TPRX1: variants seen among roughly 807,000 people sequenced by gnomAD.
TPRX1 encodes tetrapeptide repeat homeobox 1, also known as tetra-peptide repeat homeobox protein 1.
A neutral mutation model predicts 8.1 loss-of-function variants in TPRX1; 2 were observed. That is an observed-to-expected ratio of 0.25 (90% confidence interval 0.10 to 0.78). The LOEUF (loss-of-function observed/expected upper bound fraction) is 0.78, where lower values mean the gene tolerates loss of function less well. TPRX1 is among the 30% of genes least tolerant of loss of function. TPRX1 has a pLI of 0.70. For synonymous variants in TPRX1, 257 were observed against 254.1 expected, an observed-to-expected ratio of 1.01 and a Z score of -0.11; for missense variants, 517 against 586.9, an observed-to-expected ratio of 0.88 and a Z score of 1.23.
At chr19:47,813,196 G>A (rs545609876) in intron 2 of TPRX1, among the ~76,000 whole-genome samples, 14 of 148,030 alleles carry the variant, frequency 9.5e-5, no homozygotes, top group Admixed American at 2.7e-4. Context: ...GCGGAGTGGC[G>A]TGCTCCTGTA....
intron 2 of TPRX1, among the ~76,000 whole-genome samples, chr19:47,814,485 C>G (rs1967813523): frequency 6.6e-6 from 1 of 152,150 alleles, no homozygotes; most frequent in South Asian, 2.1e-4. Flanking sequence ...ATAGCGAGAC[C>G]CTGTCTTAAA....
chr19:47,818,016 G>C (rs1307887759), intron 2 of TPRX1, among the ~76,000 whole-genome samples: 2 of 152,210 alleles, frequency 1.3e-5, no homozygotes, highest in African/African-American at 4.8e-5. Flanking sequence ...GTTAGAGCCT[G>C]AATGAATTAA....
intron 2 of TPRX1, among the ~76,000 whole-genome samples, chr19:47,804,059 CTTCT>C (rs1967711180): frequency 6.7e-6 from 1 of 149,906 alleles, no homozygotes; most frequent in African/African-American, 2.5e-5. Context: ...AATTTCTTTC[CTTCT>C]TTCTTTTTCT....
intron 2 of TPRX1, among the ~76,000 whole-genome samples, chr19:47,814,746 T>G (rs1238767869): frequency 6.6e-6 from 1 of 152,156 alleles, no homozygotes; most frequent in Non-Finnish European, 1.5e-5. Context: ...GCATCTTGCA[T>G]TTTGGAGCTG....
At chr19:47,814,576 G>A (rs1201401471) in intron 2 of TPRX1, among the ~76,000 whole-genome samples, 1 of 152,032 alleles carries the variant, frequency 6.6e-6, no homozygotes, top group African/African-American at 2.4e-5. Flanking sequence ...GGGATAATGG[G>A]GGCCTGGAGA....
At chr19:47,802,223 C>A in exon 4 of TPRX1, 1 of 1,611,088 alleles carries the variant, frequency 6.2e-7, no homozygotes, top group Non-Finnish European at 8.5e-7. Context: ...TATAATTGGG[C>A]CTGGGCCTGA....
chr19:47,808,250 G>T (rs1400100379), intron 2 of TPRX1, among the ~76,000 whole-genome samples: 2 of 151,972 alleles, frequency 1.3e-5, no homozygotes, highest in Non-Finnish European at 2.9e-5. Flanking sequence ...GAGTAGCTGG[G>T]ATTACAGGCA....
exon 4 of TPRX1, chr19:47,802,783 G>T: frequency 6.2e-7 from 1 of 1,605,608 alleles, no homozygotes; most frequent in Non-Finnish European, 8.5e-7. Flanking sequence ...GGCCACCCCA[G>T]GCCTGGTGGA....
At chr19:47,807,919 A>C (rs1156832675) in intron 2 of TPRX1, among the ~76,000 whole-genome samples, 1 of 151,828 alleles carries the variant, frequency 6.6e-6, no homozygotes, top group Non-Finnish European at 1.5e-5. Context: ...AAATGTGTAT[A>C]GTACCCTTTG....
exon 4 of TPRX1, chr19:47,801,747 T>G: frequency 6.7e-7 from 1 of 1,493,324 alleles, no homozygotes; most frequent in African/African-American, 1.5e-5. Flanking sequence ...CCCTCTGGGA[T>G]CTGAAGAACT....
chr19:47,805,302 C>A (rs1294169230), intron 2 of TPRX1, among the ~76,000 whole-genome samples: 4 of 152,144 alleles, frequency 2.6e-5, no homozygotes, highest in East Asian at 1.9e-4. Flanking sequence ...TGAGCCCAGC[C>A]TCTCCAAGCT....
At chr19:47,801,788 A>G in exon 4 of TPRX1, 1 of 1,612,860 alleles carries the variant, frequency 6.2e-7, no homozygotes, top group Admixed American at 1.7e-5. Context: ...TAAATCCAGT[A>G]ATAACCTGGG....
intron 2 of TPRX1, among the ~76,000 whole-genome samples, chr19:47,814,864 A>G (rs932988437): frequency 6.6e-6 from 1 of 151,708 alleles, no homozygotes; most frequent in Non-Finnish European, 1.5e-5. Context: ...CAATGGTGTG[A>G]TCTTGGCTCA....
At chr19:47,807,441 T>C (rs1967745507) in intron 2 of TPRX1, among the ~76,000 whole-genome samples, 1 of 152,036 alleles carries the variant, frequency 6.6e-6, no homozygotes, top group African/African-American at 2.4e-5. Context: ...GTGCAGTGGA[T>C]TGATCTCAGC....
intron 2 of TPRX1, among the ~76,000 whole-genome samples, 38 bp downstream of exon 1, chr19:47,804,477 G>A (rs1423299237): frequency 6.6e-6 from 1 of 152,210 alleles, no homozygotes; most frequent in African/African-American, 2.4e-5. Context: ...TCAGCCACAG[G>A]ATCAGCCCAG....
exon 4 of TPRX1, chr19:47,802,071 A>AGCCTGG (rs754181268): frequency 1.3e-6 from 2 of 1,591,974 alleles, no homozygotes; most frequent in East Asian, 2.3e-5. Flanking sequence ...ACTGAGCCTG[A>AGCCTGG]GCCTGGGCCT....
At chr19:47,808,455 T>C (rs568474065) in intron 2 of TPRX1, among the ~76,000 whole-genome samples, 4 of 151,248 alleles carry the variant, frequency 2.6e-5, no homozygotes, top group African/African-American at 9.7e-5. Context: ...AGACCGAGTC[T>C]CGATCTGTCA....
At chr19:47,816,738 T>C (rs560330992) in intron 2 of TPRX1, among the ~76,000 whole-genome samples, 2 of 151,364 alleles carry the variant, frequency 1.3e-5, no homozygotes, top group African/African-American at 2.4e-5. Context: ...TTCACCATGT[T>C]AGCCAGGATG....
chr19:47,815,139 TATATGCAA>T (rs1301834042), intron 2 of TPRX1, among the ~76,000 whole-genome samples: 16 of 105,730 alleles, frequency 1.5e-4, no homozygotes, highest in African/African-American at 5.6e-4. Flanking sequence ...TATATATATA[TATATGCAA>T]ATATATATAT....
Sources: gnomAD v4.1 joint callset for allele counts (sites outside exome capture counted in the v4.1 genomes callset) on GRCh38, gnomAD v4.1.1 for gene constraint, MANE v1.5 for transcripts, NCBI Gene and HGNC (gene_info 2026-07-23, HGNC 2026-07-21) for gene names.